Variants in DIPK1A observed in about 807,000 individuals in gnomAD.
DIPK1A encodes family with sequence similarity 69 member A.
Under a neutral mutation model 40.8 loss-of-function variants are expected in DIPK1A, and 27 were observed. The observed-to-expected ratio is 0.66, with a 90% CI of 0.49 to 0.91. The LOEUF is 0.91. Ranked by LOEUF, DIPK1A falls within the 40% of genes least tolerant of loss-of-function variation. DIPK1A has a pLI of 0.00. For missense variants in DIPK1A, 412 were observed against 505.7 expected, an observed-to-expected ratio of 0.81 and a Z score of 1.78; for synonymous variants, 166 against 171.3, an observed-to-expected ratio of 0.97 and a Z score of 0.24.
At chr1:92,834,765 C>T (rs1360078737) in intron 4 of DIPK1A, 1 of 1,612,490 alleles carries the variant, frequency 6.2e-7, no homozygotes, top group Non-Finnish European at 8.5e-7. Context: ...AACCTAGTTT[C>T]TCTCTTACTA....
At chr1:92,837,246 G>A (rs143356594), downstream of DIPK1A, 1 of 745,242 alleles carries the variant, frequency 1.3e-6, no homozygotes, top group Middle Eastern at 2.3e-4. Flanking sequence ...AAAGGTTTTT[G>A]TAGCATGAAT....
At chr1:92,854,142 C>T (rs1687911615) in intron 2 of DIPK1A, among the ~76,000 whole-genome samples, 1 of 152,146 alleles carries the variant, frequency 6.6e-6, no homozygotes, top group Admixed American at 6.6e-5. Context: ...CCACCTCAGC[C>T]TCCCAAACTG....
At chr1:92,954,438 C>T (rs565506302) in intron 1 of DIPK1A, among the ~76,000 whole-genome samples, 1 of 118,896 alleles carries the variant, frequency 8.4e-6, no homozygotes, top group Non-Finnish European at 1.6e-5. Flanking sequence ...AGTGCAGTGG[C>T]GTGATCTTGG....
chr1:92,836,093 C>A (rs1687113490), intron 4 of DIPK1A: 1 of 1,154,336 alleles, frequency 8.7e-7, no homozygotes, highest in South Asian at 1.2e-5. Context: ...TTTTCTTTTC[C>A]AGATGTCAGT....
chr1:92,851,566 C>G (rs984378385), intron 2 of DIPK1A, among the ~76,000 whole-genome samples: 535 of 38,660 alleles, frequency 0.014, 3 homozygotes, highest in Non-Finnish European at 0.025. Flanking sequence ...AAAAAAACTT[C>G]TGGTTTTAAA....
chr1:92,891,258 T>G (rs1201636054), intron 1 of DIPK1A, among the ~76,000 whole-genome samples: 1 of 152,052 alleles, frequency 6.6e-6, no homozygotes, highest in Non-Finnish European at 1.5e-5. Flanking sequence ...GTTTGTCTTT[T>G]TGAAAAACCA....
At chr1:92,944,994 AAAG>A (rs1651306838) in intron 1 of DIPK1A, among the ~76,000 whole-genome samples, 1 of 152,102 alleles carries the variant, frequency 6.6e-6, no homozygotes, top group African/African-American at 2.4e-5. Flanking sequence ...CATCCTTGCC[AAAG>A]AAGAAGATGG....
At chr1:92,864,149 T>C (rs1011119848) in intron 2 of DIPK1A, among the ~76,000 whole-genome samples, 2 of 152,116 alleles carry the variant, frequency 1.3e-5, no homozygotes, top group African/African-American at 4.8e-5. Context: ...CACAGGATAA[T>C]GGCAGAAAAG....
At chr1:92,855,543 T>A (rs1687959851) in intron 2 of DIPK1A, among the ~76,000 whole-genome samples, 2 of 151,578 alleles carry the variant, frequency 1.3e-5, no homozygotes, top group Non-Finnish European at 2.9e-5. Context: ...TAAAAATTTT[T>A]TTTTTTTTAA....
chr1:92,866,673 C>CT (rs1252077363), intron 2 of DIPK1A, among the ~76,000 whole-genome samples: 6 of 152,146 alleles, frequency 3.9e-5, no homozygotes, highest in Non-Finnish European at 7.3e-5. Flanking sequence ...AATCAGTTGA[C>CT]TTTAAGAGAG....
At chr1:92,909,828 G>C (rs934074779) in intron 1 of DIPK1A, among the ~76,000 whole-genome samples, 1 of 152,082 alleles carries the variant, frequency 6.6e-6, no homozygotes, top group African/African-American at 2.4e-5. Flanking sequence ...GGGAATAAAA[G>C]GACTGCCCAA....
chr1:92,933,330 C>T (rs1483348936), intron 1 of DIPK1A: 1 of 152,050 alleles, frequency 6.6e-6, no homozygotes. Context: ...TACCTAAAAA[C>T]TACAGAAGGA....
At chr1:92,918,114 G>A (rs1181430977) in intron 1 of DIPK1A, among the ~76,000 whole-genome samples, 1 of 152,050 alleles carries the variant, frequency 6.6e-6, no homozygotes, top group Non-Finnish European at 1.5e-5. Flanking sequence ...ATATTACAAG[G>A]CTTAAAGATG....
At chr1:92,883,937 A>C (rs1427707135) in intron 1 of DIPK1A, among the ~76,000 whole-genome samples, 2 of 152,308 alleles carry the variant, frequency 1.3e-5, no homozygotes, top group East Asian at 3.9e-4. Context: ...TCTCAACCAG[A>C]ATAGACAGCT....
intron 1 of DIPK1A, among the ~76,000 whole-genome samples, chr1:92,958,645 T>C: frequency 6.6e-6 from 1 of 152,224 alleles, no homozygotes; most frequent in East Asian, 1.9e-4. Context: ...AAAAGTTACT[T>C]AAACCAGACA....
intron 1 of DIPK1A, among the ~76,000 whole-genome samples, chr1:92,920,596 G>T (rs886649364): frequency 6.6e-6 from 1 of 152,194 alleles, no homozygotes; most frequent in Non-Finnish European, 1.5e-5. Flanking sequence ...AGGGAATTCT[G>T]AAAGGACTTC....
chr1:92,954,366 CTT>C (rs1473038807), intron 1 of DIPK1A, among the ~76,000 whole-genome samples: 2 of 97,118 alleles, frequency 2.1e-5, no homozygotes, highest in Non-Finnish European at 3.9e-5. Context: ...TTTATCTTTT[CTT>C]TCTTTTTTTT....
chr1:92,931,085 T>C (rs1650728380), intron 1 of DIPK1A: 1 of 152,236 alleles, frequency 6.6e-6, no homozygotes, highest in Admixed American at 6.5e-5. Context: ...GAGAGACAGA[T>C]TCTTTTTTCT....
At chr1:92,947,928 T>G (rs553994389) in intron 1 of DIPK1A, among the ~76,000 whole-genome samples, 2 of 152,306 alleles carry the variant, frequency 1.3e-5, no homozygotes, top group Non-Finnish European at 2.9e-5. Flanking sequence ...AGCTAAAGAT[T>G]GGTTAACCGA....
Sources: gnomAD v4.1 joint callset for allele counts (sites outside exome capture counted in the v4.1 genomes callset) on GRCh38, gnomAD v4.1.1 for gene constraint, MANE v1.5 for transcripts, NCBI Gene and HGNC (gene_info 2026-07-23, HGNC 2026-07-21) for gene names.